SMOC2: variants seen among roughly 807,000 people sequenced by gnomAD.
SMOC2 encodes SPARC related modular calcium binding 2, also known as SPARC-related modular calcium-binding protein 2.
In SMOC2, 39 loss-of-function variants were observed where a neutral mutation model predicts 61.4. That is an observed-to-expected ratio of 0.64 (90% CI 0.49 to 0.83). The LOEUF is 0.83. SMOC2 is among the 40% of genes least tolerant of loss of function. SMOC2 has a pLI of 0.00. For synonymous variants in SMOC2, 247 were observed against 239.9 expected (o/e 1.03, Z -0.27); for missense variants, 556 against 592.9 (o/e 0.94, Z 0.65).
intron 8 of SMOC2, among the ~76,000 whole-genome samples, chr6:168,599,444 C>G (rs114328159): frequency 7.8e-6 from 1 of 128,922 alleles, no homozygotes; most frequent in Admixed American, 7.7e-5. Context: ...CTCACACACA[C>G]ATTCGTACCC....
At chr6:168,659,676 G>A (rs1205488268) in intron 11 of SMOC2, among the ~76,000 whole-genome samples, 20 of 149,030 alleles carry the variant, frequency 1.3e-4, no homozygotes, top group East Asian at 8.0e-4. Flanking sequence ...CTGGGTGAGG[G>A]TGGAGGTTGT....
At chr6:168,554,439 C>G (rs2115113620) in intron 7 of SMOC2, among the ~76,000 whole-genome samples, 1 of 152,326 alleles carries the variant, frequency 6.6e-6, no homozygotes, top group South Asian at 2.1e-4. Flanking sequence ...TCTGCAGGAA[C>G]TTTTTTACAC....
chr6:168,504,792 C>G (rs1231491970), intron 1 of SMOC2, among the ~76,000 whole-genome samples: 1 of 152,192 alleles, frequency 6.6e-6, no homozygotes, highest in African/African-American at 2.4e-5. Context: ...ATCCCATCCT[C>G]CTGGAGGCTG....
chr6:168,547,126 C>T lies in SMOC2; in HGVS notation c.519C>T (p.Ala173=), dbSNP rs770969116. The change falls in exon 6 of 13, where the codon GCC becomes GCT. Residue 173 remains alanine, a synonymous_variant. Coordinates refer to ENST00000356284, the MANE Select transcript of SMOC2 (RefSeq NM_001166412.2). ...QREGTGKTDD[A]AAPALETQPQ... is the part of the protein sequence containing the mutation. ...TTTCCGTTCTGAATTCAGATGATGC[C>T]GCAGCTCCAGCGTTGGAGACTCAGC... is the stretch of plus-strand genomic sequence containing the variant. 1.5e-5 allele frequency: 24 copies of T among 1,613,738 alleles called. No individual in the cohort carries two copies. The highest frequency in any genetic ancestry group is 6.6e-5 in the South Asian group (6 of 91,066).
intron 8 of SMOC2, 145 bp downstream of exon 8, chr6:168,599,149 A>G (rs910430897): frequency 4.2e-6 from 3 of 721,658 alleles, no homozygotes; most frequent in Non-Finnish European, 6.7e-6. Flanking sequence ...TACCACACAC[A>G]TACCCACACA....
chr6:168,634,991 C>T (rs764319592), intron 9 of SMOC2, among the ~76,000 whole-genome samples: 5 of 152,192 alleles, frequency 3.3e-5, no homozygotes, highest in Non-Finnish European at 5.9e-5. Flanking sequence ...AATGAGTTAG[C>T]AGCCTGCATG....
At chr6:168,545,116 G>A (rs148306832) in intron 5 of SMOC2, among the ~76,000 whole-genome samples, 26 of 152,220 alleles carry the variant, frequency 1.7e-4, no homozygotes, top group African/African-American at 5.3e-4. Flanking sequence ...TGGGTATGTC[G>A]ACATTTGTAG....
intron 7 of SMOC2, among the ~76,000 whole-genome samples, chr6:168,562,208 A>C (rs372525215): frequency 2.1e-4 from 1 of 4,840 alleles, no homozygotes; most frequent in African/African-American, 7.2e-4. Context: ...TGTCATTTTC[A>C]TACCCTGAGA....
At chr6:168,465,321 G>A (rs1389962772) in intron 1 of SMOC2, among the ~76,000 whole-genome samples, 1 of 152,012 alleles carries the variant, frequency 6.6e-6, no homozygotes, top group Non-Finnish European at 1.5e-5. Flanking sequence ...TTACACTTAA[G>A]CTCTACATGA....
rs199903828 is a variant in SMOC2 at position 168,543,626 on chromosome 6, T to G, written c.465T>G (p.Gly155=). The G allele has an allele frequency of 6.2e-7, 1 of 1,613,634 alleles. No individual in the cohort carries two copies. Among genetic ancestry groups the G allele is most frequent in the African/African-American group, 1.3e-5 (1 of 75,024 alleles). ...AVAHKTPRCP[G]SVNEKLPQRE... ...TCACTCCTTATTTTCCTCTTTTAGG[T>G]TCCGTAAATGAAAAGTTACCCCAAC... Residue 155 remains glycine, a splice_region_variant and synonymous_variant, in exon 5 of 13, where the codon GGT becomes GGG. Transcript: ENST00000356284.
chr6:168,581,897 A>G (rs1185102522), intron 7 of SMOC2, among the ~76,000 whole-genome samples: 1 of 151,892 alleles, frequency 6.6e-6, no homozygotes, highest in Non-Finnish European at 1.5e-5. Flanking sequence ...CGTCTCCTTC[A>G]GCCTCAGCTC....
chr6:168,592,230 C>G (rs1048555254), intron 7 of SMOC2, among the ~76,000 whole-genome samples: 1 of 152,350 alleles, frequency 6.6e-6, no homozygotes, highest in East Asian at 1.9e-4. Flanking sequence ...ACTCAGTTCT[C>G]TTTTTCCTGC....
At chr6:168,653,452 T>A (rs551342429) in intron 11 of SMOC2, among the ~76,000 whole-genome samples, 6 of 152,382 alleles carry the variant, frequency 3.9e-5, no homozygotes, top group African/African-American at 1.4e-4. Context: ...GGGCATGAAC[T>A]GCGTGTTGGT....
At chr6:168,490,071 T>A (rs535342509) in intron 1 of SMOC2, among the ~76,000 whole-genome samples, 1 of 152,178 alleles carries the variant, frequency 6.6e-6, no homozygotes, top group South Asian at 2.1e-4. Context: ...ATCACACTGT[T>A]TTAGAATGAA....
At chr6:168,532,560 GTT>G (rs1783634456) in intron 4 of SMOC2, among the ~76,000 whole-genome samples, 1 of 152,140 alleles carries the variant, frequency 6.6e-6, no homozygotes, top group Non-Finnish European at 1.5e-5. Flanking sequence ...ATAGCTTCAG[GTT>G]TTTAATCTCA....
chr6:168,492,449 A>G (rs1421918169), intron 1 of SMOC2, among the ~76,000 whole-genome samples: 2 of 152,242 alleles, frequency 1.3e-5, no homozygotes, highest in African/African-American at 4.8e-5. Flanking sequence ...TCGCACAACA[A>G]TGGGTTGATC....
chr6:168,441,208 G>A lies in SMOC2; in HGVS notation c.-163G>A. The A allele has an allele frequency of 9.0e-7, 1 of 1,105,918 alleles. No individual in the cohort carries two copies. Among genetic ancestry groups the A allele is most frequent in the Non-Finnish European group, 1.2e-6 (1 of 844,824 alleles). 68.5% of individuals were successfully genotyped at this position (1,105,918 alleles called of 1,614,324 possible). On this transcript the variant is annotated 5_prime_UTR_variant, in exon 1 of 13. Coordinates refer to ENST00000356284, the MANE Select transcript of SMOC2 (RefSeq NM_001166412.2). ...GAACGCGGAGGACCTCTGGGTGCCT[G>A]CAGGGGAGCTGCTCCAGCCGGGCCG...
At chr6:168,441,558 G>A in intron 1 of SMOC2, 104 bp downstream of exon 1, 1 of 1,340,770 alleles carries the variant, frequency 7.5e-7, no homozygotes, top group Non-Finnish European at 9.5e-7. Context: ...GCCTGGGCAC[G>A]GGGAGCAGGT....
intron 8 of SMOC2, among the ~76,000 whole-genome samples, chr6:168,599,773 C>T (rs1310723855): frequency 1.9e-5 from 2 of 103,226 alleles, no homozygotes; most frequent in Non-Finnish European, 3.9e-5. Context: ...CCCAAACACC[C>T]CCCCACACAC....
Sources: allele counts gnomAD v4.1 joint callset (sites outside exome capture counted in the v4.1 genomes callset), GRCh38; gene constraint gnomAD v4.1.1; transcripts MANE v1.5; gene names NCBI Gene and HGNC (gene_info 2026-07-23, HGNC 2026-07-21).